Variants in RPE observed in about 807,000 individuals in gnomAD.
The protein encoded by RPE is ribulose-5-phosphate-3-epimerase.
A neutral mutation model predicts 24.6 loss-of-function variants in RPE; 16 were observed. That is an observed-to-expected ratio of 0.65 (90% CI 0.44 to 0.99). The LOEUF (loss-of-function observed/expected upper bound fraction) is 0.99, where lower values mean the gene tolerates loss of function less well. Ranked by LOEUF, RPE falls within the 50% of genes least tolerant of loss-of-function variation. RPE has a pLI of 0.00. For synonymous variants in RPE, 93 were observed against 98.4 expected (o/e 0.94, Z 0.33); for missense variants, 240 against 294.5 (o/e 0.81, Z 1.35).
At chr2:210,017,600 C>A (rs1360654844) in intron 5 of RPE, 41 bp downstream of exon 5, 1 of 1,562,372 alleles carries the variant, frequency 6.4e-7, no homozygotes, top group South Asian at 1.1e-5. Context: ...AATTTCCCGT[C>A]AAATATGTCT....
chr2:210,003,503 T>C, intron 1 of RPE: 2 of 1,245,154 alleles, frequency 1.6e-6, no homozygotes, highest in Non-Finnish European at 2.1e-6. Context: ...TTACAGCACA[T>C]AATATTGTTT....
Position 210,021,710 on chromosome 2 carries a change from A to G in RPE, c.*1919A>G, listed in dbSNP as rs932441348. 2.0e-5 allele frequency: 3 copies of G among 152,444 alleles called. No individual in the cohort carries two copies. Among genetic ancestry groups the G allele is most frequent in the Admixed American group, 6.5e-5 (1 of 15,276 alleles). 9.4% of individuals were successfully genotyped at this position (152,444 alleles called of 1,614,324 possible). A position where few individuals can be genotyped will look rare whatever the true frequency, so the allele number is the denominator to read the frequency against. The stretch of plus-strand genomic sequence containing the variant: ...TATTTTCAGTTATGTGGGTAGTACA[A>G]CTTGAGTAACCTTTTTTACATGACA... On this transcript the variant is annotated 3_prime_UTR_variant, in exon 6 of 6. Transcript: ENST00000359429.
chr2:210,018,328 C>A, intron 5 of RPE: 1 of 1,415,562 alleles, frequency 7.1e-7, no homozygotes, highest in East Asian at 2.7e-5. Context: ...TTGCTAGAAC[C>A]ATTTTTGATG....
intron 1 of RPE, among the ~76,000 whole-genome samples, chr2:210,006,285 G>A (rs116178643): frequency 0.028 from 4,324 of 152,294 alleles, 92 homozygotes; most frequent in Non-Finnish European, 0.042. Flanking sequence ...GTAGGCTGAG[G>A]TAGAGACTGT....
In RPE at chr2:210,019,693, G is replaced by A; in HGVS notation, c.589G>A (p.Gly197Ser). 1.9e-6 allele frequency: 3 copies of A among 1,613,154 alleles called. No individual in the cohort carries two copies. The highest frequency in any genetic ancestry group is 2.5e-6 in the Non-Finnish European group (3 of 1,179,320). The change falls in exon 6 of 6, where the codon GGC becomes AGC. Residue 197 changes from glycine (G) to serine (S), a missense_variant. Physicochemically the swap from Gly to Ser is moderately conservative, Grantham distance 56 (BLOSUM62 0). Transcript: ENST00000359429. ...AEAGANMIVS[G>S]SAIMRSEDPR... ...GGCAGGAGCTAACATGATTGTGTCT[G>A]GCAGTGCTATTATGAGGAGTGAAGA...
intron 1 of RPE, among the ~76,000 whole-genome samples, chr2:210,006,908 CT>C (rs201169953): frequency 0.013 from 2,010 of 152,296 alleles, 46 homozygotes; most frequent in African/African-American, 0.046. Context: ...TCCCATCCAC[CT>C]TATGTGTCCC....
intron 1 of RPE, among the ~76,000 whole-genome samples, chr2:210,007,492 T>G (rs1396692220): frequency 6.6e-6 from 1 of 152,212 alleles, no homozygotes; most frequent in Admixed American, 6.5e-5. Context: ...AGGACAAAAG[T>G]CCAGACACTG....
At chr2:210,017,436 C>T (rs1427820243) in intron 4 of RPE, 37 bp from the exon 5 acceptor site, 2 of 1,309,016 alleles carry the variant, frequency 1.5e-6, no homozygotes, top group African/African-American at 3.0e-5. Context: ...AACATACCCA[C>T]TTTAGGAGTT....
chr2:210,014,101 T>G (rs1025410263), intron 2 of RPE, among the ~76,000 whole-genome samples: 26 of 151,356 alleles, frequency 1.7e-4, no homozygotes, highest in Non-Finnish European at 3.4e-4. Context: ...TGTTTTTTGT[T>G]TTTTTTTTGA....
intron 1 of RPE, among the ~76,000 whole-genome samples, chr2:210,007,885 C>T (rs1019105937): frequency 6.6e-6 from 1 of 152,156 alleles, no homozygotes; most frequent in South Asian, 2.1e-4. Context: ...GAGTGTTATT[C>T]CATTCTGTGG....
At chr2:210,019,394 G>T (rs2093825589) in intron 5 of RPE, among the ~76,000 whole-genome samples, 1 of 152,104 alleles carries the variant, frequency 6.6e-6, no homozygotes, top group Non-Finnish European at 1.5e-5. Flanking sequence ...CTTATCTAAA[G>T]GTCGCAAAGA....
intron 2 of RPE, among the ~76,000 whole-genome samples, chr2:210,010,366 C>T (rs2093683803): frequency 6.6e-6 from 1 of 152,116 alleles, no homozygotes; most frequent in African/African-American, 2.4e-5. Context: ...AGCAATGTCT[C>T]ACCTGCCAGA....
At chr2:210,014,541 C>T (rs2093744298) in intron 2 of RPE, among the ~76,000 whole-genome samples, 1 of 151,072 alleles carries the variant, frequency 6.6e-6, no homozygotes, top group Non-Finnish European at 1.5e-5. Context: ...ACCTATAATC[C>T]CTGCACTTCG....
chr2:210,007,085 C>CACTT (rs1054160356), intron 1 of RPE, among the ~76,000 whole-genome samples: 11 of 152,362 alleles, frequency 7.2e-5, no homozygotes, highest in African/African-American at 2.2e-4. Flanking sequence ...CTGCCTCCAG[C>CACTT]ACTTACTGGT....
chr2:210,013,313 T>C (rs1269642225), intron 2 of RPE, among the ~76,000 whole-genome samples: 1 of 116,940 alleles, frequency 8.6e-6, no homozygotes, highest in Non-Finnish European at 2.0e-5. Flanking sequence ...AGAGTTATCC[T>C]TTTTTTTTTT....
At position 210,020,018 on chromosome 2, in the gene RPE, TTTTA is replaced by T. The variant is rs542443529; in HGVS notation, c.*230_*233del. On this transcript the variant is annotated 3_prime_UTR_variant, in exon 6 of 6. Transcript: ENST00000359429. Reference sequence around the variant, plus strand: ...TATTGATTAGTGAGTAAGATACTGTTTTTATTGAGAGATTTGATTTTTATAAAGT... The same window carrying T: ...TATTGATTAGTGAGTAAGATACTGTTTTGAGAGATTTGATTTTTATAAAGT... 5.6e-3 allele frequency: 2,112 copies of T among 374,148 alleles called. 15 individuals are homozygous for T. Among genetic ancestry groups the T allele is most frequent in the Non-Finnish European group, 8.1e-3 (1,693 of 208,564 alleles). The allele number at this position is 374,148 out of a possible 1,614,324, so 23.2% of individuals were successfully genotyped here. A position where few individuals can be genotyped will look rare whatever the true frequency, so the allele number is the denominator to read the frequency against.
At chr2:210,007,791 A>G (rs2093649635) in intron 1 of RPE, among the ~76,000 whole-genome samples, 1 of 152,202 alleles carries the variant, frequency 6.6e-6, no homozygotes, top group African/African-American at 2.4e-5. Context: ...TAATCCTCAT[A>G]TAGGATAATA....
intron 5 of RPE, among the ~76,000 whole-genome samples, chr2:210,019,019 C>A (rs2125092875): frequency 6.6e-6 from 1 of 152,298 alleles, no homozygotes; most frequent in Non-Finnish European, 1.5e-5. Context: ...GGGTTTCCAT[C>A]CTTGAATCAG....
chr2:210,005,350 CT>C (rs1412693454), intron 1 of RPE, among the ~76,000 whole-genome samples: 1 of 152,142 alleles, frequency 6.6e-6, no homozygotes, highest in Non-Finnish European at 1.5e-5. Context: ...AATTTCTCCC[CT>C]GATTACAACT....
Sources: allele counts gnomAD v4.1 joint callset (sites outside exome capture counted in the v4.1 genomes callset), GRCh38; gene constraint gnomAD v4.1.1; transcripts MANE v1.5; gene names NCBI Gene and HGNC (gene_info 2026-07-23, HGNC 2026-07-21).